SYS1: variants seen among roughly 807,000 people sequenced by gnomAD.
SYS1 encodes SYS1 golgi trafficking protein.
In SYS1, 8 loss-of-function variants were observed where a neutral mutation model predicts 17.8. That is an observed-to-expected ratio of 0.45 (90% confidence interval 0.26 to 0.81). The LOEUF is 0.81. Among genes scored for constraint, SYS1 ranks in the 40% least tolerant of loss-of-function variants. The pLI, the probability that SYS1 is intolerant of heterozygous loss-of-function variation, is 0.16. For synonymous variants in SYS1, 95 were observed against 90.9 expected (o/e 1.05, Z -0.26); for missense variants, 161 against 203.9 (o/e 0.79, Z 1.28).
At chr20:45,372,840 G>T (rs1376067798), downstream of SYS1, 4 of 151,670 alleles carry the variant, frequency 2.6e-5, 1 homozygote, top group Admixed American at 2.6e-4. Flanking sequence ...CAGTCCCCGC[G>T]CTGTGGCTCC....
At position 45,367,549 on chromosome 20, in the gene SYS1, G is replaced by A. The variant is rs1046612; in HGVS notation, c.*434G>A. On this transcript the variant is annotated 3_prime_UTR_variant, in exon 4 of 4. Coordinates refer to ENST00000243918, the MANE Select transcript of SYS1 (RefSeq NM_033542.4). ...CCGAATCACAGCAGTTACCTTTGCA[G>A]TGTTGCCGAATCACAGCAGTTCTGT... The A allele has an allele frequency of 0.57, 568,395 of 996,516 alleles. 168,549 individuals carry two copies. Among genetic ancestry groups the A allele is most frequent in the Non-Finnish European group, 0.61 (508,111 of 835,926 alleles). 61.7% of individuals were successfully genotyped at this position (996,516 alleles called of 1,614,324 possible).
downstream of SYS1, among the ~76,000 whole-genome samples, chr20:45,371,047 T>C (rs1221155950): frequency 6.6e-6 from 1 of 152,176 alleles, no homozygotes; most frequent in African/African-American, 2.4e-5. Context: ...TGCAAAGTCC[T>C]GGAGTCCCAT....
Position 45,367,579 on chromosome 20 carries a change from GAA to G in SYS1, c.*466_*467del. The stretch of plus-strand genomic sequence containing the variant: ...GCCGAATCACAGCAGTTCTGTTGGA[GAA>G]ACGCTTGGTTTCCGGATCCAGAGCC... On this transcript the variant is annotated 3_prime_UTR_variant, in exon 4 of 4. Transcript: ENST00000243918. 2.0e-6 allele frequency: 2 copies of G among 987,362 alleles called. No individual in the cohort carries two copies. Among genetic ancestry groups the G allele is most frequent in the Non-Finnish European group, 2.4e-6 (2 of 835,416 alleles). 61.2% of individuals were successfully genotyped at this position (987,362 alleles called of 1,614,324 possible). A position where few individuals can be genotyped will look rare whatever the true frequency, so the allele number is the denominator to read the frequency against.
chr20:45,365,922 TC>T lies in SYS1; in HGVS notation c.230+237del, dbSNP rs1988397702. On this transcript the variant is annotated intron_variant, in intron 3 of 3. Transcript: ENST00000243918. ...TGCTGCCTGCAAGACAACTTCCATCTCAGATAACTTCCCTGATGTGGAGTGA... is the reference window on the plus strand; with the variant it reads ...TGCTGCCTGCAAGACAACTTCCATCTAGATAACTTCCCTGATGTGGAGTGA... The T allele has an allele frequency of 2.0e-5, 11 of 550,666 alleles. No homozygotes were observed. In the South Asian group the frequency reaches 2.2e-4, roughly 11 times the overall value. The allele number at this position is 550,666 out of a possible 1,614,324, so 34.1% of individuals were successfully genotyped here.
downstream of SYS1, chr20:45,373,521 T>C: frequency 7.9e-6 from 2 of 252,556 alleles, no homozygotes; most frequent in South Asian, 1.3e-4. Context: ...CTTGGGAAAA[T>C]GGAATGGGGA....
At chr20:45,373,999 A>C (rs773867397), downstream of SYS1, 4 of 1,614,030 alleles carry the variant, frequency 2.5e-6, no homozygotes, top group Non-Finnish European at 3.4e-6. Flanking sequence ...GCTCTCGTCC[A>C]GGTCACATCA....
chr20:45,365,759 G>A, intron 3 of SYS1, 73 bp downstream of exon 3: 2 of 1,461,716 alleles, frequency 1.4e-6, no homozygotes, highest in Non-Finnish European at 1.9e-6. Flanking sequence ...GTTTGAACAT[G>A]AGACAGGCTG....
chr20:45,365,530 G>A (rs1988381824), intron 2 of SYS1, 89 bp from the exon 3 acceptor site: 1 of 1,263,004 alleles, frequency 7.9e-7, no homozygotes, highest in Non-Finnish European at 1.2e-6. Flanking sequence ...GCTCTGGGAA[G>A]AATGCTTGTT....
chr20:45,365,607 A>AT lies in SYS1; in HGVS notation c.163-10dup, dbSNP rs2145352673. The AT allele has an allele frequency of 1.2e-6, 2 of 1,613,858 alleles. No individual in the cohort carries two copies. Among genetic ancestry groups the AT allele is most frequent in the East Asian group, 4.5e-5 (2 of 44,866 alleles). ...CTTCTCCAGTATATTTCCATTTGTG[A>AT]TTCCCCCTCAGATCCTGGGCTTTTC... is the stretch of plus-strand genomic sequence containing the variant. On this transcript the variant is annotated splice_polypyrimidine_tract_variant and intron_variant, in intron 2 of 3. Coordinates refer to ENST00000243918, the MANE Select transcript of SYS1 (RefSeq NM_033542.4).
chr20:45,363,342 T>C, intron 1 of SYS1, 27 bp downstream of exon 1: 1 of 1,422,750 alleles, frequency 7.0e-7, no homozygotes, highest in African/African-American at 1.4e-5. Flanking sequence ...GGAGCTCGTG[T>C]ACGGGCGGGG....
In SYS1 at chr20:45,366,662, A is replaced by T. The variant is rs555415405; in HGVS notation, c.231-213A>T. On this transcript the variant is annotated intron_variant, in intron 3 of 3. Transcript: ENST00000243918. ...CACCAATTCCTAGGATCCCCTAGTG[A>T]CAATTGCCATCGATCATCAAGCTCA... Among the ~76,000 whole-genome samples the T allele has an allele frequency of 6.6e-5, 10 of 152,292 alleles. No individual in the cohort carries two copies. In the South Asian group the frequency reaches 2.1e-3, roughly 32 times the overall value.
intron 1 of SYS1, 29 bp from the exon 2 acceptor site, chr20:45,363,500 T>G (rs748548267): frequency 6.4e-7 from 1 of 1,568,202 alleles, no homozygotes; most frequent in Non-Finnish European, 8.6e-7. Context: ...GACAGGCCGC[T>G]GGCTGAGGCC....
At chr20:45,374,684 C>T in exon 4 of SYS1, 1 of 427,224 alleles carries the variant, frequency 2.3e-6, no homozygotes, top group Non-Finnish European at 4.1e-6. Context: ...TCTCCCCCCT[C>T]CCACATTTGG....
chr20:45,366,767 T>C lies in SYS1; in HGVS notation c.231-108T>C, dbSNP rs912856490. 4.7e-5 allele frequency: 42 copies of C among 898,474 alleles called. No individual in the cohort carries two copies. The East Asian group carries it at 7.2e-4, about 15-fold the overall frequency. The allele number at this position is 898,474 out of a possible 1,614,324, so 55.7% of individuals were successfully genotyped here. ...TATCATAACCCTTGCTTCACACTTA[T>C]CTCGTCACTTCTGACCACTATGCTG... On this transcript the variant is annotated intron_variant, in intron 3 of 3. Transcript: ENST00000243918.
downstream of SYS1, among the ~76,000 whole-genome samples, chr20:45,370,248 A>G (rs935165498): frequency 6.6e-6 from 1 of 152,132 alleles, no homozygotes; most frequent in Admixed American, 6.5e-5. Context: ...TTTTCAGATG[A>G]TCTTAGGAAT....
chr20:45,364,074 A>G (rs980680608), intron 2 of SYS1, among the ~76,000 whole-genome samples: 1 of 152,226 alleles, frequency 6.6e-6, no homozygotes, highest in African/African-American at 2.4e-5. Flanking sequence ...CTTTGGGGTC[A>G]GACAGGCGTC....
chr20:45,365,141 A>C, intron 2 of SYS1: 1 of 265,724 alleles, frequency 3.8e-6, no homozygotes, highest in South Asian at 4.0e-5. Flanking sequence ...CCTAGGGATC[A>C]GCAAACCTTT....
intron 2 of SYS1, among the ~76,000 whole-genome samples, chr20:45,364,913 G>A (rs1988361160): frequency 6.6e-6 from 1 of 152,112 alleles, no homozygotes; most frequent in African/African-American, 2.4e-5. Flanking sequence ...GTTTTTTTAG[G>A]GATAATATGA....
chr20:45,365,502 G>A, intron 2 of SYS1, 117 bp from the exon 3 acceptor site: 1 of 923,736 alleles, frequency 1.1e-6, no homozygotes. Context: ...ACAGATGTAG[G>A]GAGGTATTAT....
Sources: gnomAD v4.1 joint callset for allele counts (sites outside exome capture counted in the v4.1 genomes callset) on GRCh38, gnomAD v4.1.1 for gene constraint, MANE v1.5 for transcripts, NCBI Gene and HGNC (gene_info 2026-07-23, HGNC 2026-07-21) for gene names.